The following NTRK3 variants were observed in gnomAD, a reference collection of about 807,000 sequenced individuals.
NTRK3 encodes NT-3 growth factor receptor.
In NTRK3, 24 loss-of-function variants were observed where a neutral mutation model predicts 91.7. The observed-to-expected ratio is 0.26, with a 90% CI of 0.19 to 0.37. The LOEUF is 0.37. Ranked by LOEUF, NTRK3 falls within the 10% of genes least tolerant of loss-of-function variation. The pLI, the probability that NTRK3 is intolerant of heterozygous loss-of-function variation, is 1.00. For synonymous variants in NTRK3, 483 were observed against 404.0 expected (o/e 1.20, Z -2.34); for missense variants, 880 against 1,068.9 (o/e 0.82, Z 2.46).
intron 13 of NTRK3, among the ~76,000 whole-genome samples, chr15:88,052,797 G>C (rs763365994): frequency 6.6e-6 from 1 of 152,116 alleles, no homozygotes; most frequent in Non-Finnish European, 1.5e-5. Flanking sequence ...GGCCAAGGAG[G>C]TGCAGCAACG....
At chr15:87,861,454 C>G (rs2064521185) in exon 19 of NTRK3, 2 of 202,710 alleles carry the variant, frequency 9.9e-6, no homozygotes, top group Admixed American at 6.0e-5. Flanking sequence ...CTTCATTTCC[C>G]TTGAAATAAG....
intron 13 of NTRK3, among the ~76,000 whole-genome samples, chr15:88,087,392 C>T (rs1054411704): frequency 2.6e-5 from 4 of 152,202 alleles, no homozygotes; most frequent in African/African-American, 9.7e-5. Context: ...ATCTCCCTTG[C>T]ATTTTGCCCC....
At chr15:88,069,335 G>A (rs1193259223) in intron 13 of NTRK3, among the ~76,000 whole-genome samples, 1 of 152,206 alleles carries the variant, frequency 6.6e-6, no homozygotes, top group African/African-American at 2.4e-5. Flanking sequence ...TCAAGTCCTG[G>A]TTTGCTACCA....
intron 3 of NTRK3, among the ~76,000 whole-genome samples, chr15:88,203,098 C>A (rs1248322185): frequency 6.6e-6 from 1 of 152,126 alleles, no homozygotes; most frequent in East Asian, 1.9e-4. Flanking sequence ...CAGGAGCAGC[C>A]CTCCTAGCAA....
chr15:88,177,242 G>C (rs1244341459), intron 5 of NTRK3, among the ~76,000 whole-genome samples: 1 of 152,180 alleles, frequency 6.6e-6, no homozygotes, highest in Non-Finnish European at 1.5e-5. Flanking sequence ...GAAGTAATTG[G>C]AGGGCTTTAA....
intron 17 of NTRK3, among the ~76,000 whole-genome samples, chr15:87,881,436 T>TATTG (rs2065244566): frequency 6.6e-6 from 1 of 151,920 alleles, no homozygotes; most frequent in Non-Finnish European, 1.5e-5. Flanking sequence ...TTTATTTATT[T>TATTG]TGAGACGGAG....
chr15:87,879,182 T>C (rs566186797), intron 18 of NTRK3, among the ~76,000 whole-genome samples: 3 of 152,260 alleles, frequency 2.0e-5, no homozygotes, highest in African/African-American at 7.2e-5. Flanking sequence ...GGTCAAGACA[T>C]AGGAGAGCAG....
intron 17 of NTRK3, chr15:87,927,186 GC>G (rs2068388354): frequency 3.3e-5 from 5 of 152,202 alleles, no homozygotes; most frequent in African/African-American, 1.2e-4. Context: ...AGGCTACCCA[GC>G]TTGCTGTGGA....
chr15:88,248,131 C>T (rs1158420989), intron 3 of NTRK3, among the ~76,000 whole-genome samples: 2 of 152,194 alleles, frequency 1.3e-5, no homozygotes, highest in African/African-American at 4.8e-5. Context: ...TGGGACCCAG[C>T]CACCAGCTTT....
chr15:88,175,212 C>A (rs2045886679), intron 5 of NTRK3, among the ~76,000 whole-genome samples: 1 of 152,200 alleles, frequency 6.6e-6, no homozygotes, highest in Non-Finnish European at 1.5e-5. Flanking sequence ...CAGAGGTCAG[C>A]TGTGGCTTTG....
intron 5 of NTRK3, among the ~76,000 whole-genome samples, chr15:88,169,018 C>T (rs145394981): frequency 2.4e-4 from 36 of 152,262 alleles, no homozygotes; most frequent in African/African-American, 6.3e-4. Flanking sequence ...GTCGAGGGAA[C>T]GGCACAGGCA....
At chr15:87,913,362 A>G (rs1357594013) in intron 17 of NTRK3, among the ~76,000 whole-genome samples, 2 of 152,118 alleles carry the variant, frequency 1.3e-5, no homozygotes, top group Non-Finnish European at 2.9e-5. Context: ...GTGTGAATCC[A>G]AGGTTAGAGC....
intron 17 of NTRK3, among the ~76,000 whole-genome samples, chr15:87,884,719 T>C (rs971279306): frequency 1.3e-5 from 2 of 151,760 alleles, no homozygotes; most frequent in African/African-American, 4.8e-5. Context: ...CTGTTAAATT[T>C]ACTAAATTAA....
intron 14 of NTRK3, among the ~76,000 whole-genome samples, chr15:87,957,481 T>C (rs1204667777): frequency 6.6e-6 from 1 of 152,180 alleles, no homozygotes; most frequent in Non-Finnish European, 1.5e-5. Flanking sequence ...AATCTCCTCA[T>C]CTGCAAAATG....
chr15:88,049,388 T>C (rs2080578695), intron 13 of NTRK3, among the ~76,000 whole-genome samples: 1 of 152,182 alleles, frequency 6.6e-6, no homozygotes, highest in Admixed American at 6.5e-5. Context: ...ATATTGTTTG[T>C]TGGTGATCTA....
At chr15:88,029,484 C>A (rs937237411) in intron 14 of NTRK3, among the ~76,000 whole-genome samples, 3 of 152,114 alleles carry the variant, frequency 2.0e-5, no homozygotes, top group Non-Finnish European at 4.4e-5. Context: ...TACATAAGTA[C>A]AGAAAGAAAA....
intron 3 of NTRK3, among the ~76,000 whole-genome samples, chr15:88,195,976 A>G (rs1240782277): frequency 6.6e-6 from 1 of 152,222 alleles, no homozygotes; most frequent in African/African-American, 2.4e-5. Flanking sequence ...AGCACTTATC[A>G]CTTCTTTAAT....
At chr15:87,916,730 C>A (rs1012839349) in intron 17 of NTRK3, among the ~76,000 whole-genome samples, 3 of 151,648 alleles carry the variant, frequency 2.0e-5, no homozygotes, top group African/African-American at 7.3e-5. Context: ...ACAAACAATG[C>A]ATAAAATATA....
intron 3 of NTRK3, among the ~76,000 whole-genome samples, chr15:88,188,831 G>C (rs1207089166): frequency 2.0e-5 from 3 of 152,220 alleles, no homozygotes; most frequent in African/African-American, 7.2e-5. Context: ...CACCATCTCT[G>C]GCTGGAACCC....
Sources: allele counts gnomAD v4.1 joint callset (sites outside exome capture counted in the v4.1 genomes callset), GRCh38; gene constraint gnomAD v4.1.1; transcripts MANE v1.5; gene names NCBI Gene and HGNC (gene_info 2026-07-23, HGNC 2026-07-21).